CCDC93: variants seen among roughly 807,000 people sequenced by gnomAD.
CCDC93 encodes CCC complex scaffolding subunit CCDC93, also known as coiled-coil domain-containing protein 93.
Under a neutral mutation model 108.2 loss-of-function variants are expected in CCDC93, and 61 were observed. That is an observed-to-expected ratio of 0.56 (90% CI 0.46 to 0.70). The LOEUF (loss-of-function observed/expected upper bound fraction) is 0.70, where lower values mean the gene tolerates loss of function less well. Among genes scored for constraint, CCDC93 ranks in the 30% least tolerant of loss-of-function variants. The pLI, the probability that CCDC93 is intolerant of heterozygous loss-of-function variation, is 0.00. For synonymous variants in CCDC93, 276 were observed against 260.4 expected (o/e 1.06, Z -0.58); for missense variants, 685 against 764.2 (o/e 0.90, Z 1.22).
chr2:117,920,522 G>T, intron 23 of CCDC93, 126 bp from the exon 24 acceptor site: 1 of 536,016 alleles, frequency 1.9e-6, no homozygotes, highest in Non-Finnish European at 3.3e-6. Flanking sequence ...CAGTCTCTTG[G>T]CATGCTGCCG....
At position 117,915,812 on chromosome 2, in the gene CCDC93, T is replaced by C. The variant is rs370910469; in HGVS notation, c.*4531A>G. 6.6e-6 allele frequency: 1 copy of C among 152,134 alleles called. No individual in the cohort carries two copies. The highest frequency in any genetic ancestry group is 6.6e-5 in the Admixed American group (1 of 15,252). The allele number at this position is 152,134 out of a possible 1,614,324, so 9.4% of individuals were successfully genotyped here. A position where few individuals can be genotyped will look rare whatever the true frequency, so the allele number is the denominator to read the frequency against. On this transcript the variant is annotated 3_prime_UTR_variant, in exon 24 of 24. Coordinates refer to ENST00000376300, the MANE Select transcript of CCDC93 (RefSeq NM_019044.5). The stretch of plus-strand genomic sequence containing the variant: ...CACATACATCTACACACTTTCTCCA[T>C]TCCAAACATTAGGATACCATGGGCT...
At chr2:118,007,946 T>A (rs972850275) in intron 2 of CCDC93, among the ~76,000 whole-genome samples, 1 of 152,244 alleles carries the variant, frequency 6.6e-6, no homozygotes, top group Non-Finnish European at 1.5e-5. Flanking sequence ...CAGTCCACGG[T>A]GGCACTTTCT....
At chr2:117,968,338 T>C (rs898345596) in intron 11 of CCDC93, among the ~76,000 whole-genome samples, 1 of 152,156 alleles carries the variant, frequency 6.6e-6, no homozygotes, top group Non-Finnish European at 1.5e-5. Context: ...GAGTAATAGA[T>C]TCTTCTTCCC....
intron 16 of CCDC93, 48 bp downstream of exon 16, chr2:117,946,763 T>TC: frequency 7.4e-7 from 1 of 1,348,862 alleles, no homozygotes; most frequent in Non-Finnish European, 1.1e-6. Context: ...ACTATCTTTT[T>TC]CCCGTAATAG....
chr2:117,946,753 ACTAT>A lies in CCDC93; in HGVS notation c.1296+54_1296+57del, dbSNP rs1395370182. The A allele has an allele frequency of 4.0e-6, 5 of 1,235,954 alleles. No individual in the cohort carries two copies. In the Admixed American group the frequency reaches 8.5e-5, roughly 21 times the overall value. The allele number at this position is 1,235,954 out of a possible 1,614,324, so 76.6% of individuals were successfully genotyped here. Reference sequence around the variant, plus strand: ...GCGGTCTGCTCTTTGGTCCTCTAGAACTATCTTTTTCCCGTAATAGCACCTGAGA... The same window carrying A: ...GCGGTCTGCTCTTTGGTCCTCTAGAACTTTTTCCCGTAATAGCACCTGAGA... On this transcript the variant is annotated intron_variant, in intron 16 of 23. Transcript: ENST00000376300.
intron 11 of CCDC93, among the ~76,000 whole-genome samples, chr2:117,964,689 C>A (rs1679499620): frequency 6.6e-6 from 1 of 152,040 alleles, no homozygotes; most frequent in Admixed American, 6.5e-5. Context: ...ACCTCAAACT[C>A]CTGAGCTCAA....
intron 11 of CCDC93, among the ~76,000 whole-genome samples, chr2:117,959,996 T>G (rs1312295281): frequency 6.6e-6 from 1 of 152,176 alleles, no homozygotes; most frequent in African/African-American, 2.4e-5. Context: ...AAAACAGAAT[T>G]ACAATTAACT....
intron 3 of CCDC93, among the ~76,000 whole-genome samples, chr2:118,001,438 A>C (rs1051370489): frequency 6.6e-6 from 1 of 152,058 alleles, no homozygotes; most frequent in African/African-American, 2.4e-5. Flanking sequence ...GGAGTTCTCT[A>C]CTCTCTGGTA....
intron 21 of CCDC93, chr2:117,936,468 A>G: frequency 2.1e-6 from 1 of 469,240 alleles, no homozygotes; most frequent in Non-Finnish European, 3.8e-6. Context: ...AGTATTTGAA[A>G]GTTAACTTTT....
chr2:117,952,136 C>T (rs1679075635), intron 13 of CCDC93, among the ~76,000 whole-genome samples: 1 of 151,972 alleles, frequency 6.6e-6, no homozygotes, highest in African/African-American at 2.4e-5. Flanking sequence ...TCGCAGCCCA[C>T]AGAGACCCCT....
chr2:117,944,670 G>A, intron 17 of CCDC93: 1 of 468,400 alleles, frequency 2.1e-6, no homozygotes, highest in East Asian at 7.0e-5. Context: ...TTACAAAAGG[G>A]GTCAAAGGAG....
At chr2:117,995,354 G>A in intron 6 of CCDC93, 92 bp downstream of exon 6, 1 of 984,954 alleles carries the variant, frequency 1.0e-6, no homozygotes, top group Admixed American at 1.9e-5. Context: ...CCCCGTAGAT[G>A]GAAGCCTCAG....
intron 14 of CCDC93, among the ~76,000 whole-genome samples, chr2:117,949,040 C>A (rs547599482): frequency 6.6e-6 from 1 of 152,292 alleles, no homozygotes; most frequent in South Asian, 2.1e-4. Context: ...CTTTTCTGTA[C>A]TATGAAGGTA....
At chr2:117,946,694 G>A in intron 16 of CCDC93, 117 bp downstream of exon 16, 1 of 688,082 alleles carries the variant, frequency 1.5e-6, no homozygotes. Flanking sequence ...GAAAACAGTT[G>A]AGGAATGTCT....
chr2:117,964,499 G>C (rs559575590), intron 11 of CCDC93, among the ~76,000 whole-genome samples: 1 of 152,268 alleles, frequency 6.6e-6, no homozygotes, highest in Non-Finnish European at 1.5e-5. Flanking sequence ...CTAGTCCTGG[G>C]AGACAAGCAA....
chr2:117,936,428 A>G (rs1678527590), intron 21 of CCDC93: 1 of 384,444 alleles, frequency 2.6e-6, no homozygotes, highest in East Asian at 3.8e-5. Context: ...GATAACATAC[A>G]GAGAGATTTT....
chr2:117,969,607 T>C (rs1415085242), intron 11 of CCDC93, among the ~76,000 whole-genome samples: 1 of 152,204 alleles, frequency 6.6e-6, no homozygotes, highest in African/African-American at 2.4e-5. Context: ...TTGATGTTGG[T>C]GGGAGGCTGA....
chr2:117,944,533 A>G (rs1009392628), intron 17 of CCDC93, among the ~76,000 whole-genome samples: 3 of 152,316 alleles, frequency 2.0e-5, no homozygotes, highest in African/African-American at 7.2e-5. Context: ...TATCACTGCA[A>G]AAAGTTCTTT....
At chr2:117,942,260 G>A (rs1414151768) in intron 18 of CCDC93, among the ~76,000 whole-genome samples, 1 of 152,076 alleles carries the variant, frequency 6.6e-6, no homozygotes, top group African/African-American at 2.4e-5. Flanking sequence ...CTTTTCACTG[G>A]CTACTGACCC....
Sources: gnomAD v4.1 joint callset for allele counts (sites outside exome capture counted in the v4.1 genomes callset) on GRCh38, gnomAD v4.1.1 for gene constraint, MANE v1.5 for transcripts, NCBI Gene and HGNC (gene_info 2026-07-23, HGNC 2026-07-21) for gene names.